NKD2: variants seen among roughly 807,000 people sequenced by gnomAD.
NKD2 encodes NKD inhibitor of Wnt signaling pathway 2, also known as protein naked cuticle homolog 2.
In NKD2, 43 loss-of-function variants were observed where a neutral mutation model predicts 34.8. The ratio of observed to expected loss-of-function variants is 1.24; its 90% CI spans 0.97 to 1.60. The LOEUF (loss-of-function observed/expected upper bound fraction) is 1.60. Among genes scored for constraint, NKD2 ranks in the 40% most tolerant of loss-of-function variants. The pLI is 0.00. For synonymous variants in NKD2, 278 were observed against 265.1 expected (o/e 1.05, Z -0.47); for missense variants, 675 against 627.1 (o/e 1.08, Z -0.82).
intron 3 of NKD2, among the ~76,000 whole-genome samples, chr5:1,012,543 G>A (rs534447424): frequency 1.3e-5 from 2 of 152,382 alleles, no homozygotes; most frequent in African/African-American, 4.8e-5. Flanking sequence ...CGTAAGACCT[G>A]CTGGCTCTGT....
In NKD2 at chr5:1,037,981, C is replaced by T. The variant is rs758329644; in HGVS notation, c.964C>T (p.Arg322Trp). The T allele has an allele frequency of 5.1e-5, 82 of 1,605,360 alleles. No homozygotes were observed. The highest frequency in any genetic ancestry group is 1.7e-4 in the Middle Eastern group (1 of 5,906). Residue 322 changes from arginine (R) to tryptophan (W), a missense_variant, in exon 10 of 10, where the codon CGG becomes TGG. Transcript: ENST00000296849. Reference sequence around the variant, plus strand: ...TGCCCGGGCCCTGGACACGCAGCCCCGGCCGAAGGGGCCGGAGAAGCAGTT... The same window carrying T: ...TGCCCGGGCCCTGGACACGCAGCCCTGGCCGAAGGGGCCGGAGAAGCAGTT... ...PAARALDTQPRPKGPEKQFLK... is the reference protein window; with the variant it reads ...PAARALDTQPWPKGPEKQFLK...
chr5:1,017,350 G>A (rs1006268802), intron 3 of NKD2, among the ~76,000 whole-genome samples: 7 of 152,250 alleles, frequency 4.6e-5, no homozygotes, highest in Non-Finnish European at 1.0e-4. Context: ...GGCCAGGTCC[G>A]TGTGCCCTGC....
At chr5:1,011,040 G>A (rs1011475008) in intron 3 of NKD2, among the ~76,000 whole-genome samples, 1 of 152,208 alleles carries the variant, frequency 6.6e-6, no homozygotes, top group Non-Finnish European at 1.5e-5. Flanking sequence ...GCTCGTGGGC[G>A]TTTAGACCTG....
intron 3 of NKD2, among the ~76,000 whole-genome samples, chr5:1,011,667 A>G (rs750367288): frequency 1.3e-5 from 2 of 152,212 alleles, no homozygotes; most frequent in Admixed American, 6.5e-5. Context: ...GATTGGGCGC[A>G]CTAAGAGCCA....
chr5:1,015,108 G>T (rs1009435547), intron 3 of NKD2, among the ~76,000 whole-genome samples: 1 of 152,234 alleles, frequency 6.6e-6, no homozygotes, highest in African/African-American at 2.4e-5. Context: ...AGGTGTGGCC[G>T]GGCCCCTTCC....
chr5:1,035,986 C>A, intron 8 of NKD2: 1 of 542,494 alleles, frequency 1.8e-6, no homozygotes, highest in Non-Finnish European at 2.8e-6. Context: ...TGATCAGGTG[C>A]CACTACAGCA....
Position 1,037,923 on chromosome 5 carries a change from G to T in NKD2, c.906G>T (p.Leu302=), listed in dbSNP as rs760343742. Residue 302 remains leucine (L), a synonymous_variant, in exon 10 of 10, where the codon CTG becomes CTT. Coordinates refer to ENST00000296849, the MANE Select transcript of NKD2 (RefSeq NM_033120.4). ...TACACCACCGCAGGTCACAGGTGCT[G>T]GTGGAACACGTCGTGCCAGCCTCGG... The part of the protein sequence containing the change: ...HAVHHRRSQV[L]VEHVVPASEP... The T allele has an allele frequency of 6.2e-7, 1 of 1,607,394 alleles. No homozygotes were observed. Among genetic ancestry groups the T allele is most frequent in the South Asian group, 1.1e-5 (1 of 90,820 alleles).
chr5:1,018,570 CAG>C (rs148598840), intron 3 of NKD2, among the ~76,000 whole-genome samples: 11,057 of 152,238 alleles, frequency 0.073, 926 homozygotes, highest in African/African-American at 0.2. Context: ...CAGGGCGACT[CAG>C]GGGCTTGTGC....
intron 3 of NKD2, among the ~76,000 whole-genome samples, chr5:1,028,443 G>A (rs1756511587): frequency 6.6e-6 from 1 of 152,204 alleles, no homozygotes; most frequent in Non-Finnish European, 1.5e-5. Context: ...GTGAGGGAGT[G>A]GGGTTGAGCT....
intron 3 of NKD2, among the ~76,000 whole-genome samples, chr5:1,021,524 C>T (rs1023209221): frequency 6.6e-6 from 1 of 151,508 alleles, no homozygotes; most frequent in African/African-American, 2.4e-5. Flanking sequence ...GGAACTGGCG[C>T]ACAGTGTTGC....
chr5:1,034,655 T>C (rs1453703484), intron 6 of NKD2, 101 bp from the exon 7 acceptor site: 6 of 1,228,542 alleles, frequency 4.9e-6, no homozygotes, highest in Non-Finnish European at 7.0e-6. Context: ...GATGCAAGGA[T>C]GGCATAGGAA....
At chr5:1,016,609 G>A (rs764526099) in intron 3 of NKD2, among the ~76,000 whole-genome samples, 6 of 152,224 alleles carry the variant, frequency 3.9e-5, no homozygotes, top group Non-Finnish European at 7.3e-5. Flanking sequence ...GCCAGAGGCC[G>A]ATGGAAACGG....
At chr5:1,012,980 A>G (rs1360616945) in intron 3 of NKD2, among the ~76,000 whole-genome samples, 1 of 152,230 alleles carries the variant, frequency 6.6e-6, no homozygotes, top group Non-Finnish European at 1.5e-5. Flanking sequence ...GGTGGGGGCA[A>G]GATACACATT....
intron 5 of NKD2, among the ~76,000 whole-genome samples, chr5:1,033,985 A>G (rs566608824): frequency 6.6e-6 from 1 of 152,302 alleles, no homozygotes; most frequent in East Asian, 1.9e-4. Context: ...ATGAGCTGAG[A>G]TAGGTGTCAC....
Position 1,009,167 on chromosome 5 carries a change from G to A in NKD2, c.26-12G>A. The A allele has an allele frequency of 1.8e-6, 1 of 560,420 alleles. No individual in the cohort carries two copies. Among genetic ancestry groups the A allele is most frequent in the South Asian group, 2.1e-5 (1 of 47,734 alleles). The allele number at this position is 560,420 out of a possible 1,614,324, so 34.7% of individuals were successfully genotyped here. A position where few individuals can be genotyped will look rare whatever the true frequency, so the allele number is the denominator to read the frequency against. On this transcript the variant is annotated splice_polypyrimidine_tract_variant and intron_variant, in intron 1 of 9. Coordinates refer to ENST00000296849, the MANE Select transcript of NKD2 (RefSeq NM_033120.4). This position sits in a 1 kb window ranked among gnomAD's most constrained non-coding sequence, Gnocchi z 6.9. ...TGTCGTTTTCCTCTCCCCGCGTCCCGCCGTGCCGCAGCCGCCGCCGCCCGC... is the reference window on the plus strand; with the variant it reads ...TGTCGTTTTCCTCTCCCCGCGTCCCACCGTGCCGCAGCCGCCGCCGCCCGC...
intron 9 of NKD2, 101 bp from the exon 10 acceptor site, chr5:1,037,704 A>T (rs1295011492): frequency 6.5e-7 from 1 of 1,542,992 alleles, no homozygotes; most frequent in South Asian, 1.2e-5. Context: ...CTCAGGTGGG[A>T]CCCCTGGCGC....
chr5:1,028,468 G>A (rs895309719), intron 3 of NKD2, among the ~76,000 whole-genome samples: 9 of 152,160 alleles, frequency 5.9e-5, no homozygotes, highest in African/African-American at 2.2e-4. Flanking sequence ...AGGCAGATGC[G>A]GCTGCTTTCC....
At position 1,037,998 on chromosome 5, in the gene NKD2, G is replaced by A. The variant is rs7445400; in HGVS notation, c.981G>A (p.Glu327=). 15 of 1,607,538 alleles carry A rather than the reference G, an allele frequency of 9.3e-6. No homozygotes were observed. Among genetic ancestry groups the A allele is most frequent in the Non-Finnish European group, 1.3e-5 (15 of 1,178,440 alleles). Residue 327 remains glutamate (E), a synonymous_variant, in exon 10 of 10, where the codon GAG becomes GAA. Coordinates refer to ENST00000296849, the MANE Select transcript of NKD2 (RefSeq NM_033120.4). ...CGCAGCCCCGGCCGAAGGGGCCGGA[G>A]AAGCAGTTCCTCAAGTCCCCCAAGG... The part of the protein sequence containing the change: ...LDTQPRPKGP[E]KQFLKSPKGS...
At chr5:1,016,434 A>G (rs1040599910) in intron 3 of NKD2, among the ~76,000 whole-genome samples, 3 of 152,148 alleles carry the variant, frequency 2.0e-5, no homozygotes, top group African/African-American at 7.2e-5. Context: ...CTGGAGGGGG[A>G]GGGTTTGTTT....
Sources: allele counts gnomAD v4.1 joint callset (sites outside exome capture counted in the v4.1 genomes callset), GRCh38; gene constraint gnomAD v4.1.1; non-coding constraint Gnocchi (gnomAD v3.1); transcripts MANE v1.5; gene names NCBI Gene and HGNC (gene_info 2026-07-23, HGNC 2026-07-21).